Variants in SNX8 observed in about 807,000 individuals in gnomAD.
SNX8 encodes sorting nexin 8, also known as sorting nexin-8.
SNX8 carries 25 observed loss-of-function variants against 51.6 expected under a neutral mutation model. The ratio of observed to expected loss-of-function variants is 0.48; its 90% CI spans 0.35 to 0.68. The LOEUF (loss-of-function observed/expected upper bound fraction) is 0.68. Among genes scored for constraint, SNX8 ranks in the 30% least tolerant of loss-of-function variants. The pLI, the probability that SNX8 is intolerant of heterozygous loss-of-function variation, is 0.00. For missense variants in SNX8, 695 were observed against 624.0 expected (o/e 1.11, Z -1.21); for synonymous variants, 324 against 277.0 (o/e 1.17, Z -1.68).
chr7:2,327,764 T>A (rs371535182), intron 1 of SNX8, among the ~76,000 whole-genome samples: 68 of 148,960 alleles, frequency 4.6e-4, no homozygotes, highest in African/African-American at 1.3e-3. Context: ...GGATGGTCTC[T>A]ATCTCCTGAC....
rs1795129682 is a variant in SNX8 at position 2,254,634 on chromosome 7, CCT to C, written c.*420_*421del. 4 of 200,196 alleles carry C rather than the reference CCT, an allele frequency of 2.0e-5. No homozygotes were observed. In the South Asian group the frequency reaches 3.2e-4, roughly 16 times the overall value. The allele number at this position is 200,196 out of a possible 1,614,324, so 12.4% of individuals were successfully genotyped here. A position where few individuals can be genotyped will look rare whatever the true frequency, so the allele number is the denominator to read the frequency against. On this transcript the variant is annotated 3_prime_UTR_variant, in exon 11 of 11. Coordinates refer to ENST00000222990, the MANE Select transcript of SNX8 (RefSeq NM_013321.4). ...CTCGCTGTCCGTGGTCAGTCCCATG[CCT>C]GGGCTGCAGGGCAGCCCTGCCCTCT...
chr7:2,289,188 T>TCGC lies in SNX8; in HGVS notation c.95-10886_95-10884dup, dbSNP rs539652515. On this transcript the variant is annotated intron_variant, in intron 1 of 10. Transcript: ENST00000222990. ...GCCGCTGCGTGACTATGTGTCCTCGTCGCCTCCTCCTCCCTCTGCTGCGGG... is the reference window on the plus strand; with the variant it reads ...GCCGCTGCGTGACTATGTGTCCTCGTCGCCGCCTCCTCCTCCCTCTGCTGCGGG... 1.8e-3 allele frequency among the ~76,000 whole-genome samples: 281 copies of TCGC among 152,288 alleles called. 2 individuals are homozygous for TCGC. The highest frequency in any genetic ancestry group is 6.3e-3 in the African/African-American group (262 of 41,562).
intron 1 of SNX8, among the ~76,000 whole-genome samples, chr7:2,324,233 C>T (rs1015714757): frequency 6.6e-6 from 1 of 151,730 alleles, no homozygotes; most frequent in Non-Finnish European, 1.5e-5. Context: ...TTACTTGAGC[C>T]CAGGAATTCA....
chr7:2,331,646 A>C (rs1418078190), intron 1 of SNX8, among the ~76,000 whole-genome samples: 4 of 152,018 alleles, frequency 2.6e-5, no homozygotes, highest in Non-Finnish European at 5.9e-5. Context: ...CAGAGCTTGC[A>C]GTGAGCCAAG....
chr7:2,285,056 C>CA (rs1415515364), intron 1 of SNX8, among the ~76,000 whole-genome samples: 4 of 151,772 alleles, frequency 2.6e-5, no homozygotes, highest in African/African-American at 2.4e-5. Flanking sequence ...TCTAAAAATA[C>CA]AAAAAATTAG....
chr7:2,258,008 C>CT (rs59062161), intron 7 of SNX8, among the ~76,000 whole-genome samples: 11,741 of 126,620 alleles, frequency 0.093, 1,036 homozygotes, highest in African/African-American at 0.19. Flanking sequence ...GCCCAGCAGT[C>CT]TTTTTTTTTT....
chr7:2,317,159 G>C (rs148031938), upstream of SNX8, among the ~76,000 whole-genome samples: 6 of 150,616 alleles, frequency 4.0e-5, no homozygotes, highest in African/African-American at 1.5e-4. Context: ...AGATGCTGTG[G>C]TCATTCCAGG....
intron 1 of SNX8, among the ~76,000 whole-genome samples, chr7:2,286,007 C>CTT (rs138507630): frequency 5.6e-5 from 8 of 143,542 alleles, no homozygotes; most frequent in Non-Finnish European, 7.7e-5. Context: ...TAAACAGTAA[C>CTT]TTTTTTTTTT....
chr7:2,264,290 T>C lies in SNX8; in HGVS notation c.782+8A>G. On this transcript the variant is annotated splice_region_variant and intron_variant, in intron 6 of 10. Transcript: ENST00000222990. ...GCGTGCCCCTGCAGAAGCTGAAAGG[T>C]CACCTACCTTAGCTCCTTCCCGAAT... 14 of 1,604,112 alleles carry C rather than the reference T, an allele frequency of 8.7e-6. No homozygotes were observed. Among genetic ancestry groups the C allele is most frequent in the Non-Finnish European group, 1.1e-5 (13 of 1,173,152 alleles).
chr7:2,340,767 G>C (rs575999428), intron 1 of SNX8, among the ~76,000 whole-genome samples: 253 of 143,534 alleles, frequency 1.8e-3, no homozygotes, highest in Non-Finnish European at 2.9e-3. Flanking sequence ...TGTAGCAGGA[G>C]AATCGCTTGA....
At chr7:2,283,441 C>A (rs1356271057) in intron 1 of SNX8, among the ~76,000 whole-genome samples, 1 of 152,208 alleles carries the variant, frequency 6.6e-6, no homozygotes, top group Admixed American at 6.5e-5. Flanking sequence ...TTCCCCGTGC[C>A]GATGGAGAGG....
intron 10 of SNX8, among the ~76,000 whole-genome samples, chr7:2,256,171 G>A (rs771930096): frequency 2.0e-5 from 3 of 151,790 alleles, no homozygotes; most frequent in Non-Finnish European, 2.9e-5. Context: ...GCTGTCTACC[G>A]CCTCTCCAGC....
chr7:2,326,538 A>C (rs887695973), intron 1 of SNX8, among the ~76,000 whole-genome samples: 5 of 149,068 alleles, frequency 3.4e-5, no homozygotes, highest in South Asian at 2.1e-4. Context: ...TGGTGGCGGG[A>C]GTCTGTAGTC....
intron 1 of SNX8, among the ~76,000 whole-genome samples, chr7:2,342,579 A>C (rs1778952288): frequency 6.7e-6 from 1 of 149,674 alleles, no homozygotes; most frequent in Non-Finnish European, 1.5e-5. Context: ...TGCTTAACTC[A>C]GGAGGCAGAG....
At chr7:2,343,834 C>G (rs1301334565) in intron 1 of SNX8, among the ~76,000 whole-genome samples, 1 of 151,780 alleles carries the variant, frequency 6.6e-6, no homozygotes, top group Non-Finnish European at 1.5e-5. Context: ...GCCTGACCAA[C>G]ATGGAGAAAT....
At chr7:2,291,413 C>T (rs1436673124) in intron 1 of SNX8, among the ~76,000 whole-genome samples, 1 of 152,080 alleles carries the variant, frequency 6.6e-6, no homozygotes, top group African/African-American at 2.4e-5. Context: ...GCATGGCCAA[C>T]ATGGCGAAAC....
chr7:2,261,499 TG>T (rs1795335987), intron 7 of SNX8, among the ~76,000 whole-genome samples: 1 of 152,198 alleles, frequency 6.6e-6, no homozygotes, highest in Admixed American at 6.5e-5. Context: ...ATTTAATTGA[TG>T]GGGAAACTGA....
intron 1 of SNX8, among the ~76,000 whole-genome samples, chr7:2,299,859 C>G (rs1428054483): frequency 6.6e-6 from 1 of 151,962 alleles, no homozygotes; most frequent in Non-Finnish European, 1.5e-5. Context: ...AAATAAGGTC[C>G]CTCCAAGAAA....
intron 1 of SNX8, among the ~76,000 whole-genome samples, chr7:2,346,759 A>AAC (rs1779037308): frequency 6.7e-6 from 1 of 149,374 alleles, no homozygotes; most frequent in Non-Finnish European, 1.5e-5. Flanking sequence ...AAAAAAAAAA[A>AAC]ACAGAAAAAA....
Sources: allele counts gnomAD v4.1 joint callset (sites outside exome capture counted in the v4.1 genomes callset), GRCh38; gene constraint gnomAD v4.1.1; transcripts MANE v1.5; gene names NCBI Gene and HGNC (gene_info 2026-07-23, HGNC 2026-07-21).